Variants in KIAA1755 observed in about 807,000 individuals in gnomAD.
KIAA1755 encodes the protein KIAA1755.
Under a neutral mutation model 91.7 loss-of-function variants are expected in KIAA1755, and 68 were observed. The observed-to-expected ratio is 0.74, with a 90% CI of 0.61 to 0.91. The LOEUF is 0.91. Ranked by LOEUF, KIAA1755 falls within the 40% of genes least tolerant of loss-of-function variation. KIAA1755 has a pLI of 0.00. For missense variants in KIAA1755, 1,535 were observed against 1,494.4 expected, an observed-to-expected ratio of 1.03 and a Z score of -0.45; for synonymous variants, 610 against 604.6, an observed-to-expected ratio of 1.01 and a Z score of -0.13.
intron 1 of KIAA1755, among the ~76,000 whole-genome samples, chr20:38,255,264 G>A (rs1261682441): frequency 6.6e-6 from 1 of 152,092 alleles, no homozygotes; most frequent in African/African-American, 2.4e-5. Flanking sequence ...ATAAATAAGT[G>A]CTTCCAGGGG....
intron 1 of KIAA1755, among the ~76,000 whole-genome samples, chr20:38,253,875 T>A (rs2076293864): frequency 6.6e-6 from 1 of 152,104 alleles, no homozygotes; most frequent in Non-Finnish European, 1.5e-5. Flanking sequence ...GAGATGTGGA[T>A]TAAGCTTTTC....
intron 1 of KIAA1755, among the ~76,000 whole-genome samples, chr20:38,251,517 G>A (rs976110596): frequency 2.0e-5 from 3 of 151,720 alleles, no homozygotes; most frequent in African/African-American, 7.3e-5. Flanking sequence ...GTGGGGGGAT[G>A]TGTATACTTC....
At chr20:38,237,126 G>A (rs2075972944) in intron 4 of KIAA1755, among the ~76,000 whole-genome samples, 1 of 144,626 alleles carries the variant, frequency 6.9e-6, no homozygotes, top group Admixed American at 7.0e-5. Context: ...TGAGTAAGCA[G>A]AAGCAATTCA....
chr20:38,230,186 T>C (rs1475143230), intron 5 of KIAA1755, among the ~76,000 whole-genome samples: 1 of 151,936 alleles, frequency 6.6e-6, no homozygotes, highest in Non-Finnish European at 1.5e-5. Context: ...GGGGTAGGAG[T>C]GTTAGGAGGA....
rs865937939 is a variant in KIAA1755 at position 38,213,712 on chromosome 20, A to G, written c.2933T>C (p.Leu978Pro). 6.6e-7 allele frequency: 1 copy of G among 1,504,012 alleles called. No homozygotes were observed. The highest frequency in any genetic ancestry group is 8.9e-7 in the Non-Finnish European group (1 of 1,125,974). The allele number at this position is 1,504,012 out of a possible 1,614,324, so 93.2% of individuals were successfully genotyped here. A position where few individuals can be genotyped will look rare whatever the true frequency, so the allele number is the denominator to read the frequency against. ...CTTGTCCAGCCTGAGCTGGGCCATC[A>G]GGTCCTGACAGTCCATGTGGAACCA... ...MTWFHMDCQD[L>P]MAQLRLDKTS... The change falls in exon 14 of 14, where the codon CTG becomes CCG. Residue 978 changes from leucine to proline, a missense_variant. Transcript: ENST00000279024.
At position 38,217,299 on chromosome 20, in the gene KIAA1755, C is replaced by A. The variant is rs1354483705; in HGVS notation, c.2855G>T (p.Arg952Leu). The change falls in exon 13 of 14, where the codon CGC becomes CTC. Residue 952 changes from arginine (R) to leucine (L), a missense_variant. Physicochemically the swap from Arg to Leu is moderately radical, Grantham distance 102 (BLOSUM62 -2). Coordinates refer to ENST00000279024, the MANE Select transcript of KIAA1755 (RefSeq NM_001029864.2). ...THFYMAAERQ[R>L]TDLETLLHLH... ...GTGGAGCAGCGTCTCGAGGTCCGTG[C>A]GTTGCCGCTCGGCCGCCATGTAAAA... 1.2e-6 allele frequency: 2 copies of A among 1,608,086 alleles called. No homozygotes were observed. The highest frequency in any genetic ancestry group is 1.1e-5 in the South Asian group (1 of 89,634).
chr20:38,221,569 C>T (rs543048387), intron 10 of KIAA1755, among the ~76,000 whole-genome samples: 2 of 152,322 alleles, frequency 1.3e-5, no homozygotes, highest in East Asian at 3.9e-4. Context: ...GGACTAATCA[C>T]TTACCTTCTC....
chr20:38,221,243 CCCA>C (rs1276127296), intron 10 of KIAA1755, among the ~76,000 whole-genome samples: 1 of 152,150 alleles, frequency 6.6e-6, no homozygotes, highest in Non-Finnish European at 1.5e-5. Context: ...AGAACAAACG[CCCA>C]CAGCAGCTCA....
At chr20:38,218,588 G>A (rs2075596643) in intron 11 of KIAA1755, among the ~76,000 whole-genome samples, 2 of 152,230 alleles carry the variant, frequency 1.3e-5, no homozygotes, top group Admixed American at 1.3e-4. Context: ...GGACCCTGGA[G>A]GGCATCTGGC....
intron 1 of KIAA1755, among the ~76,000 whole-genome samples, chr20:38,259,822 AC>A (rs2076411907): frequency 1.4e-5 from 1 of 69,642 alleles, no homozygotes; most frequent in Admixed American, 1.4e-4. Flanking sequence ...CACCACCACC[AC>A]ACACACACAC....
At chr20:38,222,770 C>G in intron 9 of KIAA1755, 173 bp from the exon 10 acceptor site, 1 of 687,406 alleles carries the variant, frequency 1.5e-6, no homozygotes, top group South Asian at 1.7e-5. Context: ...CCTCTCGTCA[C>G]CACGGCAACC....
intron 4 of KIAA1755, among the ~76,000 whole-genome samples, chr20:38,232,137 C>T (rs924541552): frequency 6.6e-6 from 1 of 152,156 alleles, no homozygotes; most frequent in African/African-American, 2.4e-5. Context: ...CTTCAGTCAC[C>T]TCACTCCAGG....
chr20:38,231,308 C>T lies in KIAA1755; in HGVS notation c.1765G>A (p.Gly589Arg), dbSNP rs375117209. Reference protein sequence around the residue: ...ACLPGGRDRAGRPLLLVSTTE... With the variant: ...ACLPGGRDRARRPLLLVSTTE... ...GTTGACACCAGAAGCAGGGGCCGCCCGGCCCTGTCCCGGCCACCTGGAGGA... is the reference window on the plus strand; with the variant it reads ...GTTGACACCAGAAGCAGGGGCCGCCTGGCCCTGTCCCGGCCACCTGGAGGA... The change falls in exon 5 of 14, where the codon GGG becomes AGG. Residue 589 changes from glycine to arginine, a missense_variant. Gly to Arg is a moderately radical substitution (Grantham distance 125). Coordinates refer to ENST00000279024, the MANE Select transcript of KIAA1755 (RefSeq NM_001029864.2). The T allele has an allele frequency of 5.3e-5, 86 of 1,610,100 alleles. No homozygotes were observed. Among genetic ancestry groups the T allele is most frequent in the East Asian group, 6.7e-5 (3 of 44,806 alleles).
intron 12 of KIAA1755, chr20:38,217,818 C>T (rs1205030167): frequency 2.6e-5 from 12 of 456,098 alleles, no homozygotes; most frequent in African/African-American, 3.9e-5. Flanking sequence ...TTACTGTGCG[C>T]TTCCCTGTTT....
rs758194889 is a variant in KIAA1755, at chr20:38,241,397, T to C, written c.734A>G (p.Tyr245Cys). ...KGKGRTYGSK[Y>C]PGLIKVEQAR... ...TTGCTCCACCTTGATGAGTCCTGGA[T>C]ACTTGCTCCCATATGTCCTGCCCTT... Residue 245 changes from tyrosine to cysteine, a missense_variant, in exon 3 of 14, where the codon TAT becomes TGT. By Grantham distance (194) the Tyr-to-Cys change is radical. Coordinates refer to ENST00000279024, the MANE Select transcript of KIAA1755 (RefSeq NM_001029864.2). 4 of 1,614,218 alleles carry C rather than the reference T, an allele frequency of 2.5e-6. No homozygotes were observed. The highest frequency in any genetic ancestry group is 1.6e-4 in the Middle Eastern group (1 of 6,062).
Position 38,240,602 on chromosome 20 carries a change from C to T in KIAA1755, c.1529G>A (p.Arg510Gln), listed in dbSNP as rs759318204. The change falls in exon 3 of 14, where the codon CGA becomes CAA. Residue 510 changes from arginine (R) to glutamine (Q), a missense_variant. Transcript: ENST00000279024. ...LCSLYSPKPN[R>Q]AKSLGKAGTT... ...CTTACCTTTCCCCAAAGATTTGGCT[C>T]GGTTGGGTTTAGGAGAGTAGAGGGA... 16 of 1,484,032 alleles carry T rather than the reference C, an allele frequency of 1.1e-5. No homozygotes were observed. The highest frequency in any genetic ancestry group is 4.4e-5 in the South Asian group (3 of 67,496). 91.9% of individuals were successfully genotyped at this position (1,484,032 alleles called of 1,614,324 possible).
At chr20:38,240,496 T>G in intron 3 of KIAA1755, 86 bp downstream of exon 3, 21 of 1,356,814 alleles carry the variant, frequency 1.5e-5, no homozygotes, top group Non-Finnish European at 2.0e-5. Flanking sequence ...CCAGGTGGTC[T>G]CTATCACTTA....
intron 11 of KIAA1755, 47 bp from the exon 12 acceptor site, chr20:38,218,413 C>T: frequency 1.2e-6 from 2 of 1,606,792 alleles, no homozygotes; most frequent in East Asian, 2.2e-5. Context: ...GCTAGGAGAC[C>T]TCCCTTGTCC....
At chr20:38,251,142 A>C (rs1206186807) in intron 1 of KIAA1755, among the ~76,000 whole-genome samples, 1 of 152,176 alleles carries the variant, frequency 6.6e-6, no homozygotes, top group Non-Finnish European at 1.5e-5. Flanking sequence ...AAAAATAAAC[A>C]ATGAAAACGA....
Sources: gnomAD v4.1 joint callset for allele counts (sites outside exome capture counted in the v4.1 genomes callset) on GRCh38, gnomAD v4.1.1 for gene constraint, MANE v1.5 for transcripts, NCBI Gene and HGNC (gene_info 2026-07-23, HGNC 2026-07-21) for gene names.